Variants in TENM1 observed in about 807,000 individuals in gnomAD.
TENM1 encodes teneurin transmembrane protein 1.
In TENM1, 35 loss-of-function variants were observed where a neutral mutation model predicts 174.8. That is an observed-to-expected ratio of 0.20 (90% CI 0.15 to 0.27). TENM1 has a LOEUF of 0.27. TENM1 is among the 10% of genes least tolerant of loss of function. TENM1 has a pLI of 1.00. For missense variants in TENM1, 1,633 were observed against 2,130.1 expected (o/e 0.77, Z 4.59); for synonymous variants, 781 against 798.7 (o/e 0.98, Z 0.37).
rs185425242 is a variant in TENM1, at chrX:124,489,157, A to T, written c.3696-1928T>A. Among the ~76,000 whole-genome samples the T allele has an allele frequency of 8.9e-5, 10 of 112,784 alleles. No homozygotes were observed. In the East Asian group the frequency reaches 2.8e-3, roughly 32 times the overall value. On this transcript the variant is annotated intron_variant, in intron 20 of 31. Coordinates refer to ENST00000422452, the Ensembl canonical transcript of TENM1. Reference sequence around the variant, plus strand: ...AGGTGTCAGTGTGTGAGCTCTTCACAAGGGCCTGGGCCCATCCGTGGGCAC... The same window carrying T: ...AGGTGTCAGTGTGTGAGCTCTTCACTAGGGCCTGGGCCCATCCGTGGGCAC...
chrX:124,824,076 CTTTA>C (rs1481258276), intron 3 of TENM1, among the ~76,000 whole-genome samples: 2 of 111,684 alleles, frequency 1.8e-5, no homozygotes, highest in Admixed American at 9.5e-5. Context: ...TCCTTCCTTT[CTTTA>C]TTTGTCTTCA....
At chrX:125,050,496 C>A in the TENM1 span, among the ~76,000 whole-genome samples, 4 of 111,276 alleles carry the variant, frequency 3.6e-5, no homozygotes, top group Non-Finnish European at 7.5e-5. Flanking sequence ...TGAACTCATC[C>A]TGTTTTATGG....
At chrX:124,551,526 A>C (rs868005983) in intron 14 of TENM1, among the ~76,000 whole-genome samples, 7 of 87,317 alleles carry the variant, frequency 8.0e-5, no homozygotes, top group Non-Finnish European at 1.3e-4. Context: ...ACACACACAC[A>C]CCCACACACA....
the TENM1 span, among the ~76,000 whole-genome samples, chrX:124,986,458 C>G: frequency 9.8e-5 from 11 of 112,040 alleles, no homozygotes; most frequent in East Asian, 2.8e-3. Context: ...TTATGAAATA[C>G]TGGCCATGAT....
At chrX:124,754,276 G>A (rs1328499199) in intron 3 of TENM1, among the ~76,000 whole-genome samples, 3 of 111,559 alleles carry the variant, frequency 2.7e-5, no homozygotes, top group African/African-American at 9.8e-5. Flanking sequence ...TATTTGCGTA[G>A]AGGTGTTTGT....
At chrX:125,201,205 T>C in the TENM1 span, among the ~76,000 whole-genome samples, 1 of 112,267 alleles carries the variant, frequency 8.9e-6, no homozygotes, top group East Asian at 2.8e-4. Flanking sequence ...TCAATGACTA[T>C]GAGGGAAACT....
chrX:124,843,369 G>A (rs1300922457), intron 3 of TENM1, among the ~76,000 whole-genome samples: 1 of 111,493 alleles, frequency 9.0e-6, no homozygotes, highest in African/African-American at 3.3e-5. Context: ...GCCACTTGTT[G>A]TTACTGCTAT....
intron 11 of TENM1, among the ~76,000 whole-genome samples, chrX:124,575,056 T>C (rs760792602): frequency 8.9e-6 from 1 of 112,196 alleles, no homozygotes; most frequent in Non-Finnish European, 1.9e-5. Context: ...TGCACACATA[T>C]ATACATGCAT....
At chrX:124,953,592 C>T (rs2147788661) in intron 1 of TENM1, among the ~76,000 whole-genome samples, 1 of 111,501 alleles carries the variant, frequency 9.0e-6, no homozygotes, top group Non-Finnish European at 1.9e-5. Context: ...CCAGTCTTCA[C>T]AGTCCCATGA....
At chrX:124,377,790 T>C (rs1006083327) in exon 32 of TENM1, 5 of 111,924 alleles carry the variant, frequency 4.5e-5, no homozygotes, top group African/African-American at 1.6e-4. Flanking sequence ...GAGAAATTCA[T>C]ATGTTTCTCT....
At chrX:125,172,325 C>T in the TENM1 span, among the ~76,000 whole-genome samples, 104 of 106,536 alleles carry the variant, frequency 9.8e-4, no homozygotes, top group African/African-American at 3.7e-3. Flanking sequence ...AACCTCACCC[C>T]CCCCCATTTT....
Position 124,499,162 on chromosome X carries a change from C to T in TENM1, c.3446-1897G>A, listed in dbSNP as rs140231362. On this transcript the variant is annotated intron_variant, in intron 19 of 31. Transcript: ENST00000422452. ...AAGCCTTATTTTTTTCTCCCTTTCC[C>T]CCTGCTGTCTATCTCCTTGCATTGC... 7.4e-3 allele frequency among the ~76,000 whole-genome samples: 824 copies of T among 111,405 alleles called. 5 individuals are homozygous for T. The highest frequency in any genetic ancestry group is 0.025 in the African/African-American group (769 of 30,708).
chrX:124,967,582 A>G (rs955524514), upstream of TENM1, among the ~76,000 whole-genome samples: 1 of 111,476 alleles, frequency 9.0e-6, no homozygotes, highest in African/African-American at 3.3e-5. Context: ...AGGTATGGCA[A>G]GTCAGTATTT....
At chrX:124,804,868 T>C (rs1189921835) in intron 3 of TENM1, among the ~76,000 whole-genome samples, 1 of 111,734 alleles carries the variant, frequency 8.9e-6, no homozygotes, top group African/African-American at 3.3e-5. Context: ...GAGGGAATAA[T>C]GGATGTACAA....
At chrX:124,690,598 C>T (rs775707131) in intron 5 of TENM1, among the ~76,000 whole-genome samples, 15 of 107,491 alleles carry the variant, frequency 1.4e-4, no homozygotes, top group Non-Finnish European at 2.5e-4. Flanking sequence ...AATTGGATTC[C>T]AAATGTTGAA....
chrX:124,712,819 T>A (rs191692739), intron 4 of TENM1, among the ~76,000 whole-genome samples: 2 of 112,018 alleles, frequency 1.8e-5, no homozygotes, highest in East Asian at 5.6e-4. Flanking sequence ...CATTTGTATA[T>A]CACTTTTGCT....
intron 4 of TENM1, among the ~76,000 whole-genome samples, chrX:124,726,323 C>T (rs2053441876): frequency 8.9e-6 from 1 of 112,422 alleles, no homozygotes; most frequent in Non-Finnish European, 1.9e-5. Context: ...ACCAAAGTAA[C>T]TAGAGACTGT....
intron 5 of TENM1, among the ~76,000 whole-genome samples, chrX:124,684,754 C>T (rs144216964): frequency 2.1e-3 from 236 of 111,927 alleles, no homozygotes; most frequent in African/African-American, 7.0e-3. Context: ...CTCATCATAG[C>T]ACAAGGATGG....
chrX:124,727,997 T>C (rs768291365), intron 4 of TENM1, among the ~76,000 whole-genome samples: 10 of 111,203 alleles, frequency 9.0e-5, no homozygotes, highest in Non-Finnish European at 1.9e-4. Flanking sequence ...TTTTAGAAAA[T>C]ATTTAATCTC....
Sources: gnomAD v4.1 joint callset for allele counts (sites outside exome capture counted in the v4.1 genomes callset) on GRCh38, gnomAD v4.1.1 for gene constraint, MANE v1.5 for transcripts, NCBI Gene and HGNC (gene_info 2026-07-23, HGNC 2026-07-21) for gene names.